The following RASGRF2 variants were observed in gnomAD, a reference collection of about 807,000 sequenced individuals.
RASGRF2 encodes the protein ras-specific guanine nucleotide-releasing factor 2.
Under a neutral mutation model 151.0 loss-of-function variants are expected in RASGRF2, and 76 were observed. The observed-to-expected ratio is 0.50, with a 90% CI of 0.42 to 0.61. RASGRF2 has a LOEUF of 0.61. Among genes scored for constraint, RASGRF2 ranks in the 20% least tolerant of loss-of-function variants. The pLI is 0.00. For synonymous variants in RASGRF2, 504 were observed against 566.5 expected (o/e 0.89, Z 1.57); for missense variants, 1,148 against 1,564.6 (o/e 0.73, Z 4.49).
chr5:81,082,768 G>T lies in RASGRF2; in HGVS notation c.1161+1979G>T, dbSNP rs139906315. On this transcript the variant is annotated intron_variant, in intron 7 of 26. Transcript: ENST00000265080. ...GGCTTTTGCCAGACAAGTCTAACCAGAGGCTTCAGCTTGTGGGAGGCTTTG... is the reference window on the plus strand; with the variant it reads ...GGCTTTTGCCAGACAAGTCTAACCATAGGCTTCAGCTTGTGGGAGGCTTTG... 1.5e-3 allele frequency among the ~76,000 whole-genome samples: 223 copies of T among 152,336 alleles called. 1 individual carries two copies. Among genetic ancestry groups the T allele is most frequent in the African/African-American group, 5.1e-3 (214 of 41,580 alleles).
chr5:81,080,011 C>A, intron 5 of RASGRF2, 110 bp from the exon 6 acceptor site: 1 of 1,365,364 alleles, frequency 7.3e-7, no homozygotes, highest in East Asian at 2.7e-5. Context: ...GTTTGGAGGC[C>A]CTATGGGACA....
At chr5:80,987,287 G>A (rs533450834) in intron 1 of RASGRF2, among the ~76,000 whole-genome samples, 1 of 152,294 alleles carries the variant, frequency 6.6e-6, no homozygotes, top group South Asian at 2.1e-4. Flanking sequence ...TGTGTGCCAG[G>A]CATTGTGAGA....
intron 17 of RASGRF2, among the ~76,000 whole-genome samples, chr5:81,130,188 A>G (rs751055161): frequency 3.6e-4 from 55 of 152,198 alleles, no homozygotes; most frequent in Non-Finnish European, 6.8e-4. Flanking sequence ...GGCAGAACGG[A>G]CTTGCTAACA....
At chr5:81,019,936 A>G (rs1749772281) in intron 1 of RASGRF2, among the ~76,000 whole-genome samples, 2 of 152,368 alleles carry the variant, frequency 1.3e-5, no homozygotes, top group South Asian at 4.1e-4. Flanking sequence ...ACTGTTAGCT[A>G]TAAGTCTGTT....
intron 17 of RASGRF2, among the ~76,000 whole-genome samples, chr5:81,153,793 T>G (rs961938219): frequency 4.0e-5 from 6 of 151,510 alleles, no homozygotes; most frequent in African/African-American, 1.2e-4. Flanking sequence ...AAAAGAAATA[T>G]CTAACCATAT....
chr5:81,018,604 C>T (rs1032293127), intron 1 of RASGRF2, among the ~76,000 whole-genome samples: 14 of 151,926 alleles, frequency 9.2e-5, no homozygotes, highest in African/African-American at 3.1e-4. Flanking sequence ...AACATAAAAC[C>T]CAGTTTCATC....
At chr5:81,048,434 T>C (rs1267766448) in intron 2 of RASGRF2, among the ~76,000 whole-genome samples, 1 of 152,218 alleles carries the variant, frequency 6.6e-6, no homozygotes, top group African/African-American at 2.4e-5. Flanking sequence ...CTGTGAAATA[T>C]TTCACTTGAT....
At chr5:81,189,698 G>A (rs1200163668) in intron 18 of RASGRF2, among the ~76,000 whole-genome samples, 2 of 147,216 alleles carry the variant, frequency 1.4e-5, no homozygotes, top group Non-Finnish European at 3.0e-5. Context: ...GAGGATAATC[G>A]ATGGCCTATA....
intron 1 of RASGRF2, among the ~76,000 whole-genome samples, chr5:80,970,255 G>A (rs1269081583): frequency 6.6e-6 from 1 of 152,228 alleles, no homozygotes; most frequent in Non-Finnish European, 1.5e-5. Flanking sequence ...AATCAAGTGT[G>A]TAGTTGGCTT....
intron 5 of RASGRF2, among the ~76,000 whole-genome samples, chr5:81,073,896 C>T (rs966245522): frequency 6.6e-5 from 10 of 152,154 alleles, no homozygotes; most frequent in Admixed American, 2.6e-4. Flanking sequence ...AGATTACAGG[C>T]GTGAGCCACC....
At chr5:81,181,385 TATTA>T (rs1319229584) in intron 18 of RASGRF2, among the ~76,000 whole-genome samples, 1 of 152,326 alleles carries the variant, frequency 6.6e-6, no homozygotes, top group African/African-American at 2.4e-5. Flanking sequence ...AGTTCTTAAA[TATTA>T]ATTAAAGTAA....
intron 1 of RASGRF2, among the ~76,000 whole-genome samples, chr5:80,981,264 A>C (rs1167422734): frequency 2.0e-5 from 3 of 152,182 alleles, no homozygotes; most frequent in African/African-American, 7.2e-5. Context: ...GATTGGAAAT[A>C]TTCTACCTCT....
intron 1 of RASGRF2, among the ~76,000 whole-genome samples, chr5:81,042,169 T>A (rs557682367): frequency 6.6e-6 from 1 of 152,296 alleles, no homozygotes; most frequent in Non-Finnish European, 1.5e-5. Context: ...CCCTGATAAA[T>A]GCCAGTTTTT....
intron 1 of RASGRF2, among the ~76,000 whole-genome samples, chr5:81,029,763 C>T (rs1306815892): frequency 6.6e-6 from 1 of 152,182 alleles, no homozygotes; most frequent in Non-Finnish European, 1.5e-5. Flanking sequence ...GAATGCAGCT[C>T]CTTGCCAGCA....
intron 18 of RASGRF2, among the ~76,000 whole-genome samples, chr5:81,182,794 T>C (rs766776845): frequency 1.2e-4 from 19 of 152,220 alleles, no homozygotes; most frequent in Non-Finnish European, 2.5e-4. Context: ...GCAAGCTGAC[T>C]GTTATGGTGC....
intron 1 of RASGRF2, among the ~76,000 whole-genome samples, chr5:81,015,246 T>C (rs973809405): frequency 7.9e-5 from 12 of 152,188 alleles, no homozygotes; most frequent in Non-Finnish European, 1.6e-4. Context: ...TGTGTCTTTA[T>C]AGTAGAATGA....
chr5:81,127,169 T>G lies in RASGRF2; in HGVS notation c.2686+6T>G. 2 of 1,611,688 alleles carry G rather than the reference T, an allele frequency of 1.2e-6. No homozygotes were observed. The highest frequency in any genetic ancestry group is 1.1e-5 in the South Asian group (1 of 91,026). On this transcript the variant is annotated splice_donor_region_variant and intron_variant, in intron 17 of 26. Transcript: ENST00000265080. ...AGGACATGGGAGTCCACCAGGTGAG[T>G]AGGGGAGCAGCTATGTACAGATATG...
chr5:80,994,671 C>A (rs776983820), intron 1 of RASGRF2, among the ~76,000 whole-genome samples: 1 of 152,142 alleles, frequency 6.6e-6, no homozygotes, highest in Non-Finnish European at 1.5e-5. Context: ...TGTGAAGAAC[C>A]CCCTCTGAGC....
At chr5:81,015,228 C>T (rs958134568) in intron 1 of RASGRF2, among the ~76,000 whole-genome samples, 10 of 152,048 alleles carry the variant, frequency 6.6e-5, no homozygotes, top group African/African-American at 1.7e-4. Context: ...AATAAACATA[C>T]GTGTGCATGT....
Sources: allele counts gnomAD v4.1 joint callset (sites outside exome capture counted in the v4.1 genomes callset), GRCh38; gene constraint gnomAD v4.1.1; transcripts MANE v1.5; gene names NCBI Gene and HGNC (gene_info 2026-07-23, HGNC 2026-07-21).